The following CSF2RB variants were observed in gnomAD, a reference collection of about 807,000 sequenced individuals.
CSF2RB encodes the protein colony stimulating factor 2 receptor subunit beta.
A neutral mutation model predicts 67.2 loss-of-function variants in CSF2RB; 22 were observed. The observed-to-expected ratio is 0.33, with a 90% CI of 0.23 to 0.47. The LOEUF (loss-of-function observed/expected upper bound fraction) is 0.47. Among genes scored for constraint, CSF2RB ranks in the 20% least tolerant of loss-of-function variants. CSF2RB has a pLI of 1.00. For missense variants in CSF2RB, 1,113 were observed against 1,174.5 expected (o/e 0.95, Z 0.76); for synonymous variants, 507 against 482.9 (o/e 1.05, Z -0.65).
chr22:36,933,730 G>A, intron 9 of CSF2RB, 102 bp from the exon 10 acceptor site: 2 of 1,461,428 alleles, frequency 1.4e-6, no homozygotes, highest in Non-Finnish European at 1.9e-6. Context: ...CTGGGGTATG[G>A]CAGGAGCTAG....
At chr22:36,927,749 A>G (rs79268111) in intron 4 of CSF2RB, among the ~76,000 whole-genome samples, 2,401 of 152,278 alleles carry the variant, frequency 0.016, 48 homozygotes, top group South Asian at 0.057. Flanking sequence ...GGGACAGGGG[A>G]CTTACAGGGT....
At chr22:36,922,013 A>C in intron 1 of CSF2RB, 23 bp from the exon 2 acceptor site, 1 of 609,518 alleles carries the variant, frequency 1.6e-6, no homozygotes, top group Non-Finnish European at 3.0e-6. Flanking sequence ...GGGGCAGCTC[A>C]CTGCTGACAT....
In CSF2RB at chr22:36,939,242, G is replaced by A. The variant is rs965592166; in HGVS notation, c.*740G>A. On this transcript the variant is annotated 3_prime_UTR_variant, in exon 14 of 14. Coordinates refer to ENST00000403662, the MANE Select transcript of CSF2RB (RefSeq NM_000395.3). ...GACCTCCAGTCCCTTGAGACCCCAC[G>A]TCATGTAGAGAAGTTAACGGCCCAA... 6.0e-5 allele frequency: 42 copies of A among 702,234 alleles called. No homozygotes were observed. Among genetic ancestry groups the A allele is most frequent in the Admixed American group, 3.2e-4 (16 of 49,988 alleles). The allele number at this position is 702,234 out of a possible 1,614,324, so 43.5% of individuals were successfully genotyped here.
intron 10 of CSF2RB, among the ~76,000 whole-genome samples, chr22:36,934,964 G>A (rs547350745): frequency 1.3e-5 from 2 of 152,126 alleles, no homozygotes; most frequent in Non-Finnish European, 2.9e-5. Flanking sequence ...TGGTGCCTCT[G>A]CCACTATGCC....
intron 12 of CSF2RB, 51 bp downstream of exon 12, chr22:36,935,738 T>A: frequency 2.5e-6 from 4 of 1,574,576 alleles, no homozygotes; most frequent in Non-Finnish European, 3.5e-6. Context: ...TTCCTGCCTC[T>A]CTTGTCTCTG....
At chr22:36,931,887 C>T (rs1335062109) in intron 8 of CSF2RB, among the ~76,000 whole-genome samples, 1 of 152,168 alleles carries the variant, frequency 6.6e-6, no homozygotes, top group East Asian at 1.9e-4. Context: ...GCGATGAGAA[C>T]GTGTGAATGT....
chr22:36,922,594 C>T (rs898385943), intron 2 of CSF2RB: 1 of 528,356 alleles, frequency 1.9e-6, no homozygotes, highest in Non-Finnish European at 3.4e-6. Flanking sequence ...CCCCAGCAGA[C>T]ACTCTCTGTG....
chr22:36,932,334 C>T lies in CSF2RB; in HGVS notation c.1013-431C>T, dbSNP rs188964029. ...CCTGTAATCCCAGCTACTCGGGAGG[C>T]TGAGGCAGGAGAATCACTTGAACCC... On this transcript the variant is annotated intron_variant, in intron 8 of 13. Transcript: ENST00000403662. Among the ~76,000 whole-genome samples, 760 of 150,856 alleles carry T rather than the reference C, an allele frequency of 5.0e-3. 1 individual carries two copies. Among genetic ancestry groups the T allele is most frequent in the African/African-American group, 0.018 (733 of 41,020 alleles).
Position 36,929,806 on chromosome 22 carries a change from AG to A in CSF2RB, c.718+1del. ...SPEVCWDSQP[G>X]DEAQPQNLEC... ...CAGAGGTTTGCTGGGACTCCCAGCC[AG>A]GTAATGTTGCCAGAGCCCAGGAAAT... On this transcript the variant is annotated frameshift_variant and splice_region_variant, in exon 6 of 14. Coordinates refer to ENST00000403662, the MANE Select transcript of CSF2RB (RefSeq NM_000395.3). LOFTEE classifies it high-confidence loss of function. 2 of 1,613,484 alleles carry A rather than the reference AG, an allele frequency of 1.2e-6. No homozygotes were observed. Among genetic ancestry groups the A allele is most frequent in the Non-Finnish European group, 1.7e-6 (2 of 1,179,810 alleles).
In CSF2RB at chr22:36,925,970, G is replaced by T. The variant is rs143181453; in HGVS notation, c.201-17G>T. 2 of 1,613,944 alleles carry T rather than the reference G, an allele frequency of 1.2e-6. No individual in the cohort carries two copies. Among genetic ancestry groups the T allele is most frequent in the African/African-American group, 2.7e-5 (2 of 74,924 alleles). ...ATACCCATACACCCTGGGCTAAGCCGTGTCCTCTCCCAACAGGGACCTCCT... is the reference window on the plus strand; with the variant it reads ...ATACCCATACACCCTGGGCTAAGCCTTGTCCTCTCCCAACAGGGACCTCCT... On this transcript the variant is annotated splice_polypyrimidine_tract_variant and intron_variant, in intron 3 of 13. Transcript: ENST00000403662.
chr22:36,926,633 G>T (rs1941023559), intron 4 of CSF2RB, among the ~76,000 whole-genome samples: 1 of 152,210 alleles, frequency 6.6e-6, no homozygotes, highest in Non-Finnish European at 1.5e-5. Flanking sequence ...CTTCCTGCAT[G>T]GTAGACAGGG....
chr22:36,932,526 G>A (rs1205528176), intron 8 of CSF2RB, among the ~76,000 whole-genome samples: 1 of 151,844 alleles, frequency 6.6e-6, no homozygotes, highest in Non-Finnish European at 1.5e-5. Flanking sequence ...AATAAAAATA[G>A]GAGTAGTGCA....
rs975675759 is a variant in CSF2RB at position 36,939,251 on chromosome 22, A to G, written c.*749A>G. On this transcript the variant is annotated 3_prime_UTR_variant, in exon 14 of 14. Coordinates refer to ENST00000403662, the MANE Select transcript of CSF2RB (RefSeq NM_000395.3). ...TCCCTTGAGACCCCACGTCATGTAG[A>G]GAAGTTAACGGCCCAAGTGGTGGGC... 1.7e-4 allele frequency: 122 copies of G among 702,264 alleles called. 1 individual carries two copies. The East Asian group carries it at 3.3e-3, about 19-fold the overall frequency. 43.5% of individuals were successfully genotyped at this position (702,264 alleles called of 1,614,324 possible). A position where few individuals can be genotyped will look rare whatever the true frequency, so the allele number is the denominator to read the frequency against.
intron 12 of CSF2RB, among the ~76,000 whole-genome samples, chr22:36,936,336 C>T (rs1941265045): frequency 6.6e-6 from 1 of 152,130 alleles, no homozygotes; most frequent in Admixed American, 6.5e-5. Flanking sequence ...GAAAAGGGCC[C>T]TGTCCTCAGG....
chr22:36,920,845 G>T (rs1054058847), intron 1 of CSF2RB, among the ~76,000 whole-genome samples: 1 of 152,122 alleles, frequency 6.6e-6, no homozygotes, highest in Non-Finnish European at 1.5e-5. Context: ...TGGGGTTTTA[G>T]ATAGGCATTT....
rs41283223 is a variant in CSF2RB, at chr22:36,937,607, G to A, written c.1799G>A (p.Arg600His). ...NGPYLGPPHS[R>H]SLPDILGQPE... ...CCCTACCTGGGGCCGCCCCACAGCC[G>A]CTCCCTACCTGACATCCTGGGCCAG... is the stretch of plus-strand genomic sequence containing the variant. The change falls in exon 14 of 14, where the codon CGC (arginine) becomes CAC (histidine). Residue 600 changes from arginine (R) to histidine (H), a missense_variant. Coordinates refer to ENST00000403662, the MANE Select transcript of CSF2RB (RefSeq NM_000395.3). The surrounding 1 kb of genome is among the most constrained non-coding windows in gnomAD (Gnocchi z 4.6). The A allele has an allele frequency of 1.0e-4, 160 of 1,579,518 alleles. No individual in the cohort carries two copies. The highest frequency in any genetic ancestry group is 2.3e-4 in the East Asian group (10 of 42,870).
At chr22:36,919,566 TA>T (rs1212501951) in intron 1 of CSF2RB, among the ~76,000 whole-genome samples, 4 of 88,566 alleles carry the variant, frequency 4.5e-5, no homozygotes, top group Non-Finnish European at 7.3e-5. Context: ...CATGGCCAGC[TA>T]TTTTTTTTTT....
rs200841026 is a variant in CSF2RB, at chr22:36,936,515, A to T, written c.1465-34A>T. On this transcript the variant is annotated intron_variant, in intron 12 of 13. Transcript: ENST00000403662. Reference sequence around the variant, plus strand: ...CCTTGCCCCCACCTCGGACCTCCTGATGCTCACCGGCCCAAATGTCTCTGC... The same window carrying T: ...CCTTGCCCCCACCTCGGACCTCCTGTTGCTCACCGGCCCAAATGTCTCTGC... 5.8e-4 allele frequency: 926 copies of T among 1,607,040 alleles called. 3 individuals carry two copies. The highest frequency in any genetic ancestry group is 1.4e-4 in the Non-Finnish European group (163 of 1,175,618).
At chr22:36,934,022 CT>C (rs754091444) in intron 10 of CSF2RB, 28 bp downstream of exon 10, 1 of 1,610,284 alleles carries the variant, frequency 6.2e-7, no homozygotes, top group Admixed American at 1.7e-5. Flanking sequence ...TCCAGAGCTT[CT>C]GGCCAGGACC....
Sources: gnomAD v4.1 joint callset for allele counts (sites outside exome capture counted in the v4.1 genomes callset) on GRCh38, gnomAD v4.1.1 for gene constraint, Gnocchi (gnomAD v3.1) non-coding constraint, MANE v1.5 for transcripts, NCBI Gene and HGNC (gene_info 2026-07-23, HGNC 2026-07-21) for gene names.